Variants in FBRS observed in about 807,000 individuals in gnomAD.
FBRS encodes probable fibrosin-1.
Under a neutral mutation model 86.1 loss-of-function variants are expected in FBRS, and 15 were observed. That is an observed-to-expected ratio of 0.17 (90% confidence interval 0.12 to 0.27). The LOEUF is 0.27. Ranked by LOEUF, FBRS falls within the 10% of genes least tolerant of loss-of-function variation. FBRS has a pLI of 1.00. For synonymous variants in FBRS, 666 were observed against 575.8 expected, an observed-to-expected ratio of 1.16 and a Z score of -2.24; for missense variants, 1,367 against 1,301.6, an observed-to-expected ratio of 1.05 and a Z score of -0.77.
At position 30,659,767 on chromosome 16, in the gene FBRS, G is replaced by A. The variant is rs1426593724; in HGVS notation, c.249G>A (p.Arg83=). Residue 83 remains arginine (R), a synonymous_variant, in exon 1 of 18, where the codon CGG becomes CGA. Coordinates refer to ENST00000356166, the MANE Select transcript of FBRS (RefSeq NM_001105079.3). The stretch of plus-strand genomic sequence containing the variant: ...GGCCTGGGGGCCCGAGACGCCGGCG[G>A]CCCCGTCCGAGACCTCGACCCCCGC... ...GERPGGPRRR[R]PRPRPRPPRP... is the part of the protein sequence containing the mutation. The A allele has an allele frequency of 9.0e-6, 13 of 1,447,474 alleles. No individual in the cohort carries two copies. The highest frequency in any genetic ancestry group is 1.2e-5 in the Non-Finnish European group (13 of 1,091,812). 89.7% of individuals were successfully genotyped at this position (1,447,474 alleles called of 1,614,324 possible). A position where few individuals can be genotyped will look rare whatever the true frequency, so the allele number is the denominator to read the frequency against.
chr16:30,666,482 C>A lies in FBRS; in HGVS notation c.1774-30C>A, dbSNP rs374579270. On this transcript the variant is annotated intron_variant, in intron 11 of 17. Coordinates refer to ENST00000356166, the MANE Select transcript of FBRS (RefSeq NM_001105079.3). ...CCTGGCCCAGGACTCGGGTCTGAGT[C>A]GCCTCCCATCTCTCCTTTGCCATCC... The A allele has an allele frequency of 6.7e-4, 1,084 of 1,613,960 alleles. 13 individuals carry two copies. The highest frequency in any genetic ancestry group is 4.8e-3 in the South Asian group (433 of 91,074).
intron 15 of FBRS, chr16:30,668,164 CT>C: frequency 4.6e-6 from 1 of 218,896 alleles, no homozygotes; most frequent in Non-Finnish European, 9.0e-6. Flanking sequence ...GGTCTTCAGG[CT>C]TGCTGCGGAG....
intron 4 of FBRS, chr16:30,662,192 C>G (rs900474300): frequency 1.6e-6 from 1 of 616,810 alleles, no homozygotes; most frequent in East Asian, 3.1e-5. Context: ...AACGCTGCCT[C>G]CATTTAGTCC....
At position 30,659,993 on chromosome 16, in the gene FBRS, G is replaced by A. The variant is rs1294249843; in HGVS notation, c.459+16G>A. On this transcript the variant is annotated intron_variant, in intron 1 of 17. Coordinates refer to ENST00000356166, the MANE Select transcript of FBRS (RefSeq NM_001105079.3). Reference sequence around the variant, plus strand: ...GGCCTTGCAGGTGGGGCCTAATGGGGCTAGGAGACTTTGGGGGTTTCCGAG... The same window carrying A: ...GGCCTTGCAGGTGGGGCCTAATGGGACTAGGAGACTTTGGGGGTTTCCGAG... 4.5e-6 allele frequency: 7 copies of A among 1,547,834 alleles called. No homozygotes were observed. Among genetic ancestry groups the A allele is most frequent in the Non-Finnish European group, 1.7e-6 (2 of 1,146,012 alleles).
In FBRS at chr16:30,662,472, G is replaced by C. The variant is rs1162555641; in HGVS notation, c.754+4G>C. 4.5e-6 allele frequency: 7 copies of C among 1,550,526 alleles called. No individual in the cohort carries two copies. The East Asian group carries it at 9.8e-5, about 22-fold the overall frequency. On this transcript the variant is annotated splice_donor_region_variant and intron_variant, in intron 5 of 17. Transcript: ENST00000356166. ...TTTACTGTCTCAACCAGCAAAGGTTGGTCCCAAGGTCTGGGGCTGGAGGCA... is the reference window on the plus strand; with the variant it reads ...TTTACTGTCTCAACCAGCAAAGGTTCGTCCCAAGGTCTGGGGCTGGAGGCA...
chr16:30,659,848 G>A lies in FBRS; in HGVS notation c.330G>A (p.Glu110=), dbSNP rs1396297499. The change falls in exon 1 of 18, where the codon GAG becomes GAA. Residue 110 remains glutamate (E), a synonymous_variant. Coordinates refer to ENST00000356166, the MANE Select transcript of FBRS (RefSeq NM_001105079.3). ...CGGGCAGCCGCGGGGAGGAAGAGGA[G>A]GAGGAGGAGGAGGAGGGGGGCGCAG... The part of the protein sequence containing the change: ...AGSGSRGEEE[E]EEEEEGGADD... 21 of 1,528,604 alleles carry A rather than the reference G, an allele frequency of 1.4e-5. No individual in the cohort carries two copies. The highest frequency in any genetic ancestry group is 5.0e-5 in the East Asian group (2 of 40,400). The allele number at this position is 1,528,604 out of a possible 1,614,324, so 94.7% of individuals were successfully genotyped here. A position where few individuals can be genotyped will look rare whatever the true frequency, so the allele number is the denominator to read the frequency against.
chr16:30,669,231 T>C lies in FBRS; in HGVS notation c.2529T>C (p.Ala843=), dbSNP rs932251061. 123 of 1,545,646 alleles carry C rather than the reference T, an allele frequency of 8.0e-5. No individual in the cohort carries two copies. The highest frequency in any genetic ancestry group is 3.4e-4 in the Middle Eastern group (2 of 5,966). The change falls in exon 18 of 18, where the codon GCT becomes GCC. Residue 843 remains alanine (A), a synonymous_variant. Coordinates refer to ENST00000356166, the MANE Select transcript of FBRS (RefSeq NM_001105079.3). The surrounding 1 kb of genome is among the most constrained non-coding windows in gnomAD (Gnocchi z 5.9). The stretch of plus-strand genomic sequence containing the variant: ...CTGCCGCTGCTGCTGCCGCCGCCGC[T>C]GCCGCCGCCGCAGCAGCCACTGGGC... ...AAAAAAAAAA[A]AAAAAATGPQ... is the part of the protein sequence containing the mutation.
intron 15 of FBRS, chr16:30,668,268 G>A (rs1199512131): frequency 2.7e-5 from 11 of 404,732 alleles, no homozygotes; most frequent in African/African-American, 1.6e-4. Context: ...GGTTGGTACC[G>A]CTCCCTGGCT....
rs2052518463 is a variant in FBRS, at chr16:30,666,002, G to C, written c.1773+296G>C. On this transcript the variant is annotated intron_variant, in intron 11 of 17. Coordinates refer to ENST00000356166, the MANE Select transcript of FBRS (RefSeq NM_001105079.3). ...TTTCCAAATGACATCATACCAGGAA[G>C]CCCTGTTCGGAAAACAAAAGATAAG... 9.0e-6 allele frequency: 4 copies of C among 443,080 alleles called. No individual in the cohort carries two copies. In the South Asian group the frequency reaches 9.1e-5, roughly 10 times the overall value. The allele number at this position is 443,080 out of a possible 1,614,324, so 27.4% of individuals were successfully genotyped here. A position where few individuals can be genotyped will look rare whatever the true frequency, so the allele number is the denominator to read the frequency against.
At position 30,668,987 on chromosome 16, in the gene FBRS, T is replaced by TCCCCCCCCCCCCTCCCCCTCCCC; in HGVS notation, c.2366+11_2366+12insCCCCCCCCCTCCCCCTCCCCCCC. On this transcript the variant is annotated intron_variant, in intron 17 of 17. Coordinates refer to ENST00000356166, the MANE Select transcript of FBRS (RefSeq NM_001105079.3). Reference sequence around the variant, plus strand: ...CAAGGAGGAGAAGGACAGGTGTGCCTCCCACCCACCCTGCCCCTGCCCCAC... The same window carrying TCCCCCCCCCCCCTCCCCCTCCCC: ...CAAGGAGGAGAAGGACAGGTGTGCCTCCCCCCCCCCCCTCCCCCTCCCCCCCACCCACCCTGCCCCTGCCCCAC... 1 of 1,481,132 alleles carries TCCCCCCCCCCCCTCCCCCTCCCC rather than the reference T, an allele frequency of 6.8e-7. No individual in the cohort carries two copies. Among genetic ancestry groups the TCCCCCCCCCCCCTCCCCCTCCCC allele is most frequent in the South Asian group, 1.2e-5 (1 of 82,716 alleles). 91.7% of individuals were successfully genotyped at this position (1,481,132 alleles called of 1,614,324 possible).
rs761796565 is a variant in FBRS, at chr16:30,664,284, G to GTCC, written c.1137_1139dup (p.Ser381dup). 4 of 1,415,430 alleles carry GTCC rather than the reference G, an allele frequency of 2.8e-6. No homozygotes were observed. Among genetic ancestry groups the GTCC allele is most frequent in the South Asian group, 1.6e-5 (1 of 64,440 alleles). The allele number at this position is 1,415,430 out of a possible 1,614,324, so 87.7% of individuals were successfully genotyped here. A position where few individuals can be genotyped will look rare whatever the true frequency, so the allele number is the denominator to read the frequency against. ...AGCCTCCCCCCTCATCATCCTCTTC[G>GTCC]TCCTCCTCCTCCTCATCTGCCTCCT... On this transcript the variant is annotated inframe_insertion, in exon 7 of 18. Coordinates refer to ENST00000356166, the MANE Select transcript of FBRS (RefSeq NM_001105079.3).
At chr16:30,662,260 A>G (rs1024186388) in intron 4 of FBRS, 160 bp from the exon 5 acceptor site, 3 of 1,109,660 alleles carry the variant, frequency 2.7e-6, no homozygotes, top group Non-Finnish European at 2.5e-6. Flanking sequence ...CTCCAAGCTC[A>G]GCCCCCTAGA....
rs1395014737 is a variant in FBRS, at chr16:30,658,983, AACTC to A, written c.-535_-532del. ...GGCCGCTTGTGGAGGACTAGAAACT[AACTC>A]CGAGCCCTTAAAGGGACGGCCTGCT... On this transcript the variant is annotated 5_prime_UTR_variant, in exon 1 of 18. Transcript: ENST00000356166. 1 of 152,174 alleles carries A rather than the reference AACTC, an allele frequency of 6.6e-6. No individual in the cohort carries two copies. The highest frequency in any genetic ancestry group is 1.5e-5 in the Non-Finnish European group (1 of 68,062). 9.4% of individuals were successfully genotyped at this position (152,174 alleles called of 1,614,324 possible).
Position 30,660,296 on chromosome 16 carries a change from G to C in FBRS, c.493G>C (p.Glu165Gln). 2 of 1,303,314 alleles carry C rather than the reference G, an allele frequency of 1.5e-6. No homozygotes were observed. The highest frequency in any genetic ancestry group is 2.0e-6 in the Non-Finnish European group (2 of 1,017,540). The allele number at this position is 1,303,314 out of a possible 1,614,324, so 80.7% of individuals were successfully genotyped here. A position where few individuals can be genotyped will look rare whatever the true frequency, so the allele number is the denominator to read the frequency against. ...DASLQPPERL[E>Q]HRLKHSGKRK... ...ATCTCTTCAGCCCCCAGAGCGACTG[G>C]AACATCGGCTGAAGCATTCTGGGAA... is the stretch of plus-strand genomic sequence containing the variant. Residue 165 changes from glutamate (E) to glutamine (Q), a missense_variant, in exon 2 of 18, where the codon GAA becomes CAA. Physicochemically the swap from Glu to Gln is conservative, Grantham distance 29. Around this residue, in one of 3 missense-constraint regions of FBRS, gnomAD observed 702 missense variants for 598.7 expected, o/e 1.17. Transcript: ENST00000356166.
chr16:30,661,594 C>G (rs973202784), intron 4 of FBRS, among the ~76,000 whole-genome samples: 3 of 152,098 alleles, frequency 2.0e-5, no homozygotes, highest in Admixed American at 6.6e-5. Flanking sequence ...AGCCCTTGAG[C>G]TACTTCTGGT....
chr16:30,668,668 G>T (rs1466611219), intron 16 of FBRS, 25 bp downstream of exon 16: 1 of 1,587,092 alleles, frequency 6.3e-7, no homozygotes, highest in East Asian at 2.3e-5. Context: ...GGTGGGGTGG[G>T]GGGGCTGCGG....
At position 30,669,408 on chromosome 16, in the gene FBRS, G is replaced by A; in HGVS notation, c.2706G>A (p.Glu902=). The stretch of plus-strand genomic sequence containing the variant: ...CACCCCGCTTCTATGAGGCGGGTGA[G>A]GAGCTAACTGGACCCGGGGCCGTGG... The part of the protein sequence containing the change: ...ARPPRFYEAG[E]ELTGPGAVAA... Residue 902 remains glutamate, a synonymous_variant, in exon 18 of 18, where the codon GAG becomes GAA. Coordinates refer to ENST00000356166, the MANE Select transcript of FBRS (RefSeq NM_001105079.3). This position sits in a 1 kb window ranked among gnomAD's most constrained non-coding sequence, Gnocchi z 5.9. 1.2e-6 allele frequency: 2 copies of A among 1,612,788 alleles called. No individual in the cohort carries two copies. Among genetic ancestry groups the A allele is most frequent in the Non-Finnish European group, 1.7e-6 (2 of 1,179,788 alleles).
chr16:30,660,698 G>A (rs1234062928), intron 2 of FBRS: 4 of 558,358 alleles, frequency 7.2e-6, no homozygotes, highest in Non-Finnish European at 1.1e-5. Flanking sequence ...ATATAGTTGG[G>A]TCGTAAATTA....
rs2052582155 is a variant in FBRS, at chr16:30,670,331, G to T, written c.*686G>T. The T allele has an allele frequency of 5.2e-6, 2 of 386,562 alleles. No individual in the cohort carries two copies. Among genetic ancestry groups the T allele is most frequent in the South Asian group, 3.8e-5 (2 of 52,730 alleles). 23.9% of individuals were successfully genotyped at this position (386,562 alleles called of 1,614,324 possible). On this transcript the variant is annotated 3_prime_UTR_variant, in exon 18 of 18. Transcript: ENST00000356166. Reference sequence around the variant, plus strand: ...CAGGGGGCAGGACCTGGGGACCTGGGCTGGAGGGAAGGGCAGAAGCTTCCT... The same window carrying T: ...CAGGGGGCAGGACCTGGGGACCTGGTCTGGAGGGAAGGGCAGAAGCTTCCT...
Sources: allele counts gnomAD v4.1 joint callset (sites outside exome capture counted in the v4.1 genomes callset), GRCh38; gene constraint gnomAD v4.1.1; regional missense constraint gnomAD v4.1.1; non-coding constraint Gnocchi (gnomAD v3.1); transcripts MANE v1.5; gene names NCBI Gene and HGNC (gene_info 2026-07-23, HGNC 2026-07-21).